The following NKAIN1 variants were observed in gnomAD, a reference collection of about 807,000 sequenced individuals.
NKAIN1 encodes the protein sodium/potassium-transporting ATPase subunit beta-1-interacting protein 1.
NKAIN1 carries 13 observed loss-of-function variants against 31.6 expected under a neutral mutation model. That is an observed-to-expected ratio of 0.41 (90% CI 0.27 to 0.65). The LOEUF is 0.65. Among genes scored for constraint, NKAIN1 ranks in the 30% least tolerant of loss-of-function variants. NKAIN1 has a pLI of 0.30. For missense variants in NKAIN1, 193 were observed against 262.2 expected (o/e 0.74, Z 1.82); for synonymous variants, 104 against 109.0 (o/e 0.95, Z 0.28).
chr1:31,201,552 A>G (rs6688565), intron 1 of NKAIN1, among the ~76,000 whole-genome samples: 114,386 of 151,656 alleles, frequency 0.75, 43,583 homozygotes, highest in Middle Eastern at 0.9. Flanking sequence ...TAATAGAGAC[A>G]GGGTTTCACC....
chr1:31,186,398 T>G lies in NKAIN1; in HGVS notation c.193-1071A>C, dbSNP rs1167464956. On this transcript the variant is annotated intron_variant, in intron 2 of 6. Transcript: ENST00000373736. ...AAAAAGTCTTAATTCTTTTGTGTTTTTTTTTTTTTTTTTTTTTTTAAGACA... is the reference window on the plus strand; with the variant it reads ...AAAAAGTCTTAATTCTTTTGTGTTTGTTTTTTTTTTTTTTTTTTTAAGACA... Among the ~76,000 whole-genome samples the G allele has an allele frequency of 1.0e-4, 15 of 147,242 alleles. No homozygotes were observed. The East Asian group carries it at 2.3e-3, about 23-fold the overall frequency.
At position 31,186,797 on chromosome 1, in the gene NKAIN1, G is replaced by A. The variant is rs74881020; in HGVS notation, c.192+1253C>T. ...TCCATCTGTCTGGAAGGAGAGGGCT[G>A]GGATGGGAGGGACTGGGAGCAGCAA... On this transcript the variant is annotated intron_variant, in intron 2 of 6. Transcript: ENST00000373736. Among the ~76,000 whole-genome samples, 768 of 152,342 alleles carry A rather than the reference G, an allele frequency of 5.0e-3. 9 individuals are homozygous for A. The highest frequency in any genetic ancestry group is 0.018 in the African/African-American group (729 of 41,588).
At position 31,196,931 on chromosome 1, in the gene NKAIN1, G is replaced by A. The variant is rs929030289; in HGVS notation, c.55-8744C>T. Among the ~76,000 whole-genome samples, 5 of 151,920 alleles carry A rather than the reference G, an allele frequency of 3.3e-5. No individual in the cohort carries two copies. The South Asian group carries it at 6.2e-4, about 19-fold the overall frequency. On this transcript the variant is annotated intron_variant, in intron 1 of 6. Transcript: ENST00000373736. The stretch of plus-strand genomic sequence containing the variant: ...CTGGTTATTATACAACTCTTGGCAC[G>A]GCACTAACCTTCCTGTGCCTGTTTC...
At chr1:31,236,613 A>G (rs1043473389) in intron 1 of NKAIN1, among the ~76,000 whole-genome samples, 2 of 152,154 alleles carry the variant, frequency 1.3e-5, no homozygotes, top group Non-Finnish European at 2.9e-5. Flanking sequence ...AGTGCAACAG[A>G]GCCAAGAGAG....
chr1:31,195,179 G>A (rs1199632708), intron 1 of NKAIN1, among the ~76,000 whole-genome samples: 2 of 142,076 alleles, frequency 1.4e-5, no homozygotes, highest in African/African-American at 5.3e-5. Context: ...GTGCAGTGGT[G>A]CGATCTAGGC....
intron 1 of NKAIN1, among the ~76,000 whole-genome samples, chr1:31,202,585 G>A (rs10914319): frequency 0.75 from 111,512 of 149,092 alleles, 42,143 homozygotes; most frequent in Middle Eastern, 0.89. Flanking sequence ...GCTGAGGCAG[G>A]AGAATGGTGT....
At chr1:31,205,142 A>ATT (rs59830593) in intron 1 of NKAIN1, among the ~76,000 whole-genome samples, 1 of 150,310 alleles carries the variant, frequency 6.7e-6, no homozygotes, top group African/African-American at 2.4e-5. Context: ...TGGACAAGCA[A>ATT]TTTTTTTTTT....
chr1:31,205,613 G>T (rs1310143066), intron 1 of NKAIN1, among the ~76,000 whole-genome samples: 10 of 96,532 alleles, frequency 1.0e-4, no homozygotes, highest in South Asian at 3.9e-4. Context: ...AGCCGGACAA[G>T]TTTTTTTTTT....
intron 1 of NKAIN1, among the ~76,000 whole-genome samples, chr1:31,200,745 G>C (rs1188704964): frequency 6.6e-6 from 1 of 152,090 alleles, no homozygotes; most frequent in Admixed American, 6.6e-5. Flanking sequence ...TTACAGGTGT[G>C]AGCCACTGTG....
At chr1:31,232,424 T>TATATATATAGAGAG (rs1313157898) in intron 1 of NKAIN1, among the ~76,000 whole-genome samples, 14 of 16,918 alleles carry the variant, frequency 8.3e-4, no homozygotes, top group East Asian at 4.4e-3. Context: ...TATATATATA[T>TATATATATAGAGAG]AGAGAGAGAG....
chr1:31,193,075 T>A lies in NKAIN1; in HGVS notation c.55-4888A>T, dbSNP rs200791283. Among the ~76,000 whole-genome samples, 34 of 151,484 alleles carry A rather than the reference T, an allele frequency of 2.2e-4. 1 individual carries two copies. In the South Asian group the frequency reaches 4.4e-3, roughly 19 times the overall value. ...TATTTTATTATTTATTTTTTTATTT[T>A]TTTATTTTTTTGAGACGGAGTCTCA... is the stretch of plus-strand genomic sequence containing the variant. On this transcript the variant is annotated intron_variant, in intron 1 of 6. Transcript: ENST00000373736.
chr1:31,228,638 G>A (rs1271671042), intron 1 of NKAIN1, among the ~76,000 whole-genome samples: 1 of 151,972 alleles, frequency 6.6e-6, no homozygotes, highest in African/African-American at 2.4e-5. Context: ...CATTGTTTGA[G>A]GCTGGAGTAC....
chr1:31,224,154 T>A (rs1645584415), intron 1 of NKAIN1, among the ~76,000 whole-genome samples: 2 of 152,220 alleles, frequency 1.3e-5, no homozygotes, highest in Admixed American at 1.3e-4. Context: ...AATGGGCAGC[T>A]GCAGAGGTTG....
chr1:31,200,651 G>A (rs551076862), intron 1 of NKAIN1, among the ~76,000 whole-genome samples: 42 of 151,906 alleles, frequency 2.8e-4, no homozygotes, highest in African/African-American at 8.9e-4. Flanking sequence ...GTAGAGACAA[G>A]GGTCTCACTA....
chr1:31,232,650 C>T (rs1645663620), intron 1 of NKAIN1, among the ~76,000 whole-genome samples: 1 of 151,182 alleles, frequency 6.6e-6, no homozygotes, highest in African/African-American at 2.4e-5. Flanking sequence ...CCCATCTCTC[C>T]TTAATACTAG....
At chr1:31,207,711 CA>C (rs1305552922) in intron 1 of NKAIN1, among the ~76,000 whole-genome samples, 3 of 152,174 alleles carry the variant, frequency 2.0e-5, no homozygotes, top group African/African-American at 4.8e-5. Context: ...GTGACACAGA[CA>C]AACTTCAATT....
In NKAIN1 at chr1:31,210,031, G is replaced by A. The variant is rs553877187; in HGVS notation, c.55-21844C>T. ...GATAAGAATGAAGAGGACTCACAAT[G>A]GCTGATCCAGCATCATCCAACACAT... On this transcript the variant is annotated intron_variant, in intron 1 of 6. Coordinates refer to ENST00000373736, the MANE Select transcript of NKAIN1 (RefSeq NM_024522.3). Among the ~76,000 whole-genome samples, 6 of 151,112 alleles carry A rather than the reference G, an allele frequency of 4.0e-5. No homozygotes were observed. In the South Asian group the frequency reaches 1.3e-3, roughly 32 times the overall value.
At chr1:31,217,519 C>T (rs1343471506) in intron 1 of NKAIN1, among the ~76,000 whole-genome samples, 1 of 152,194 alleles carries the variant, frequency 6.6e-6, no homozygotes, top group Non-Finnish European at 1.5e-5. Context: ...ACCCTCACCA[C>T]TGCTCCCTAC....
chr1:31,191,667 C>T (rs1442387671), intron 1 of NKAIN1, among the ~76,000 whole-genome samples: 8 of 152,136 alleles, frequency 5.3e-5, no homozygotes, highest in Admixed American at 3.3e-4. Context: ...AGTTTGGCAC[C>T]GAGGGCCCAC....
Sources: allele counts gnomAD v4.1 joint callset (sites outside exome capture counted in the v4.1 genomes callset), GRCh38; gene constraint gnomAD v4.1.1; transcripts MANE v1.5; gene names NCBI Gene and HGNC (gene_info 2026-07-23, HGNC 2026-07-21).